ST8SIA6: variants seen among roughly 807,000 people sequenced by gnomAD.
ST8SIA6 encodes the protein alpha-2,8-sialyltransferase 8F.
In ST8SIA6, 39 loss-of-function variants were observed where a neutral mutation model predicts 33.6. The observed-to-expected ratio is 1.16, with a 90% CI of 0.90 to 1.52. ST8SIA6 has a LOEUF of 1.52. ST8SIA6 is among the 40% of genes most tolerant of loss of function. ST8SIA6 has a pLI of 0.00. For synonymous variants in ST8SIA6, 172 were observed against 167.2 expected (o/e 1.03, Z -0.22); for missense variants, 441 against 443.8 (o/e 0.99, Z 0.06).
At chr10:17,431,614 T>G (rs1283076412) in intron 2 of ST8SIA6, among the ~76,000 whole-genome samples, 2 of 152,108 alleles carry the variant, frequency 1.3e-5, no homozygotes, top group Non-Finnish European at 2.9e-5. Flanking sequence ...TGAGATCCTC[T>G]CTGTCCTAAA....
intron 2 of ST8SIA6, among the ~76,000 whole-genome samples, chr10:17,420,933 GC>G (rs1851762916): frequency 6.6e-6 from 1 of 152,190 alleles, no homozygotes; most frequent in South Asian, 2.1e-4. Context: ...AGGGGGAAGT[GC>G]CCACACTTTT....
chr10:17,427,742 GAC>G (rs1388916685), intron 2 of ST8SIA6, among the ~76,000 whole-genome samples: 2 of 152,222 alleles, frequency 1.3e-5, no homozygotes, highest in Non-Finnish European at 2.9e-5. Flanking sequence ...TTCCAAAAAA[GAC>G]AATATTGAGA....
chr10:17,440,086 G>C (rs1852419569), intron 2 of ST8SIA6, among the ~76,000 whole-genome samples: 3 of 152,154 alleles, frequency 2.0e-5, no homozygotes, highest in Admixed American at 2.0e-4. Flanking sequence ...CAGGATGACA[G>C]TGCCTACGGC....
Position 17,347,356 on chromosome 10 carries a change from G to T in ST8SIA6, c.377+12158C>A, listed in dbSNP as rs1175116377. On this transcript the variant is annotated intron_variant, in intron 4 of 7. Coordinates refer to ENST00000377602, the MANE Select transcript of ST8SIA6 (RefSeq NM_001004470.3). ...GACACTGAAGGAGAAGACAGCAAGG[G>T]TCATGCAGGGCTTTCTGATTCAGGC... Among the ~76,000 whole-genome samples the T allele has an allele frequency of 2.0e-5, 3 of 152,164 alleles. No individual in the cohort carries two copies. The East Asian group carries it at 5.8e-4, about 29-fold the overall frequency.
intron 4 of ST8SIA6, among the ~76,000 whole-genome samples, chr10:17,340,954 G>A (rs897417530): frequency 6.6e-6 from 1 of 152,238 alleles, no homozygotes; most frequent in Non-Finnish European, 1.5e-5. Flanking sequence ...GCAGGAGTCT[G>A]TGTGTTTGCC....
At chr10:17,444,777 A>G (rs1852641871) in intron 2 of ST8SIA6, among the ~76,000 whole-genome samples, 1 of 152,230 alleles carries the variant, frequency 6.6e-6, no homozygotes, top group South Asian at 2.1e-4. Context: ...AGGCAAGGAG[A>G]AAAGCAAGTC....
intron 4 of ST8SIA6, among the ~76,000 whole-genome samples, chr10:17,350,717 G>A (rs1009648602): frequency 2.6e-5 from 4 of 151,576 alleles, no homozygotes; most frequent in African/African-American, 7.3e-5. Flanking sequence ...TAGCCACTTG[G>A]TACATTGGGA....
intron 3 of ST8SIA6, among the ~76,000 whole-genome samples, chr10:17,380,796 CAT>C (rs769095065): frequency 6.2e-5 from 9 of 145,496 alleles, no homozygotes; most frequent in Non-Finnish European, 1.1e-4. Flanking sequence ...TGTATGTGTA[CAT>C]GTTTGTGTGA....
intron 2 of ST8SIA6, among the ~76,000 whole-genome samples, chr10:17,392,632 A>T (rs185298027): frequency 3.5e-4 from 54 of 152,342 alleles, no homozygotes; most frequent in African/African-American, 1.3e-3. Context: ...GTGATTGCAG[A>T]GAAATGAGGA....
chr10:17,321,455 A>G (rs190072043), intron 7 of ST8SIA6, 109 bp from the exon 8 acceptor site: 5 of 846,310 alleles, frequency 5.9e-6, no homozygotes, highest in Non-Finnish European at 5.4e-6. Flanking sequence ...AACGATTTGT[A>G]TACTGTATAT....
chr10:17,448,944 C>A (rs1392814462), intron 2 of ST8SIA6, among the ~76,000 whole-genome samples: 3 of 151,348 alleles, frequency 2.0e-5, no homozygotes, highest in Admixed American at 2.0e-4. Flanking sequence ...GAGCTTCTTT[C>A]ATAATCAAAA....
intron 2 of ST8SIA6, among the ~76,000 whole-genome samples, chr10:17,399,380 A>T (rs981543000): frequency 3.9e-5 from 6 of 152,228 alleles, no homozygotes; most frequent in African/African-American, 1.4e-4. Context: ...TGTTTTGGTG[A>T]ATGCCATTTA....
chr10:17,337,201 C>T (rs1196821675), intron 4 of ST8SIA6, among the ~76,000 whole-genome samples: 2 of 152,138 alleles, frequency 1.3e-5, no homozygotes, highest in Non-Finnish European at 2.9e-5. Flanking sequence ...TGTCTTCCGC[C>T]ATGATTATAA....
At chr10:17,321,756 C>T (rs1449547120) in intron 7 of ST8SIA6, among the ~76,000 whole-genome samples, 1 of 152,094 alleles carries the variant, frequency 6.6e-6, no homozygotes. Flanking sequence ...GAGCTGCGCA[C>T]TTATGATTTG....
chr10:17,337,774 T>C (rs542006655), intron 4 of ST8SIA6, among the ~76,000 whole-genome samples: 1 of 152,198 alleles, frequency 6.6e-6, no homozygotes, highest in African/African-American at 2.4e-5. Flanking sequence ...TTCACAATAA[T>C]GGGTATGGCC....
intron 3 of ST8SIA6, among the ~76,000 whole-genome samples, chr10:17,376,867 CAAAGT>C (rs1394297165): frequency 6.6e-6 from 1 of 151,950 alleles, no homozygotes; most frequent in Non-Finnish European, 1.5e-5. Context: ...AGTACAAACT[CAAAGT>C]AAGAGAAAGA....
intron 3 of ST8SIA6, among the ~76,000 whole-genome samples, chr10:17,371,140 A>C (rs985625761): frequency 2.6e-5 from 4 of 152,344 alleles, no homozygotes; most frequent in Non-Finnish European, 5.9e-5. Flanking sequence ...GGATAACTTC[A>C]AAGTTTCAGG....
chr10:17,411,843 A>C (rs945193600), intron 2 of ST8SIA6, among the ~76,000 whole-genome samples: 2 of 152,170 alleles, frequency 1.3e-5, no homozygotes, highest in African/African-American at 4.8e-5. Context: ...ATGCATGGCA[A>C]TGAGTTCTAA....
intron 4 of ST8SIA6, among the ~76,000 whole-genome samples, chr10:17,344,494 C>A (rs146936036): frequency 1.3e-5 from 2 of 152,274 alleles, no homozygotes; most frequent in African/African-American, 2.4e-5. Context: ...TTACTCACTA[C>A]CATGAGAACA....
Sources: gnomAD v4.1 joint callset for allele counts (sites outside exome capture counted in the v4.1 genomes callset) on GRCh38, gnomAD v4.1.1 for gene constraint, MANE v1.5 for transcripts, NCBI Gene and HGNC (gene_info 2026-07-23, HGNC 2026-07-21) for gene names.